The following XRN1 variants were observed in gnomAD, a reference collection of about 807,000 sequenced individuals.
XRN1 encodes the protein strand-exchange protein 1 homolog.
A neutral mutation model predicts 222.3 loss-of-function variants in XRN1; 67 were observed. That is an observed-to-expected ratio of 0.30 (90% CI 0.25 to 0.37). The LOEUF (loss-of-function observed/expected upper bound fraction) is 0.37. Among genes scored for constraint, XRN1 ranks in the 10% least tolerant of loss-of-function variants. The pLI, the probability that XRN1 is intolerant of heterozygous loss-of-function variation, is 1.00. For synonymous variants in XRN1, 643 were observed against 652.4 expected, an observed-to-expected ratio of 0.99 and a Z score of 0.22; for missense variants, 1,707 against 2,000.2, an observed-to-expected ratio of 0.85 and a Z score of 2.80.
At chr3:142,402,861 T>C (rs991791977) in intron 18 of XRN1, among the ~76,000 whole-genome samples, 1 of 152,178 alleles carries the variant, frequency 6.6e-6, no homozygotes, top group African/African-American at 2.4e-5. Flanking sequence ...GTTTCTCTTT[T>C]CACCCCCTGT....
intron 3 of XRN1, among the ~76,000 whole-genome samples, chr3:142,426,392 A>G (rs1046367871): frequency 6.6e-6 from 1 of 152,198 alleles, no homozygotes; most frequent in Non-Finnish European, 1.5e-5. Flanking sequence ...TAGCTACATC[A>G]ACTTGATAAG....
intron 15 of XRN1, among the ~76,000 whole-genome samples, chr3:142,408,013 T>C (rs2068413081): frequency 6.6e-6 from 1 of 152,262 alleles, no homozygotes; most frequent in South Asian, 2.1e-4. Flanking sequence ...GTCAACAGCT[T>C]ACCCTTCTGT....
At position 142,311,719 on chromosome 3, in the gene XRN1, G is replaced by T. The variant is rs780488740; in HGVS notation, c.4877C>A (p.Ser1626Tyr). 1.2e-6 allele frequency: 2 copies of T among 1,614,170 alleles called. No individual in the cohort carries two copies. Among genetic ancestry groups the T allele is most frequent in the Non-Finnish European group, 8.5e-7 (1 of 1,180,016 alleles). ...TGGACTTACTTTGACAATGTTGGAA[G>T]AATCTGGCTGGCTAGTCTGAACTGG... is the stretch of plus-strand genomic sequence containing the variant. ...ATPVQTSQPDSSNIVKVSPRE... is the reference protein window; with the variant it reads ...ATPVQTSQPDYSNIVKVSPRE... The change falls in exon 41 of 41, where the codon TCT becomes TAT. Residue 1626 changes from serine to tyrosine, a missense_variant. Physicochemically the swap from Ser to Tyr is moderately radical, Grantham distance 144. This residue lies in a region of XRN1 where 473 missense variants were observed against 482.0 expected (regional missense o/e 0.98). Transcript: ENST00000392981.
chr3:142,307,513 A>C lies in XRN1; in HGVS notation c.*3998T>G, dbSNP rs1307527114. On this transcript the variant is annotated 3_prime_UTR_variant, in exon 41 of 41. Coordinates refer to ENST00000392981, the MANE Select transcript of XRN1 (RefSeq NM_001282857.2). ...TTATTTGTTCACTGACACACACACA[A>C]AAGCAGCTACAGATAGTTGACATTT... The C allele has an allele frequency of 1.3e-5, 2 of 152,158 alleles. No homozygotes were observed. The highest frequency in any genetic ancestry group is 2.9e-5 in the Non-Finnish European group (2 of 68,022). 9.4% of individuals were successfully genotyped at this position (152,158 alleles called of 1,614,324 possible).
At position 142,310,751 on chromosome 3, in the gene XRN1, T is replaced by C. The variant is rs920303011; in HGVS notation, c.*760A>G. ...ATTAATTTGTAATCATTGTACCCTG[T>C]AGATTTTGAAACAATTTTACTAGAA... On this transcript the variant is annotated 3_prime_UTR_variant, in exon 41 of 41. Coordinates refer to ENST00000392981, the MANE Select transcript of XRN1 (RefSeq NM_001282857.2). The C allele has an allele frequency of 2.6e-5, 4 of 152,656 alleles. No homozygotes were observed. Among genetic ancestry groups the C allele is most frequent in the Non-Finnish European group, 5.9e-5 (4 of 68,018 alleles). 9.5% of individuals were successfully genotyped at this position (152,656 alleles called of 1,614,324 possible).
chr3:142,361,551 C>T (rs535960750), intron 29 of XRN1, among the ~76,000 whole-genome samples: 6 of 152,308 alleles, frequency 3.9e-5, no homozygotes, highest in Admixed American at 1.3e-4. Context: ...TTTTACATTA[C>T]GACTGGCAAT....
At chr3:142,410,223 GT>G (rs1355783805) in intron 15 of XRN1, among the ~76,000 whole-genome samples, 14 of 152,120 alleles carry the variant, frequency 9.2e-5, no homozygotes, top group African/African-American at 3.4e-4. Flanking sequence ...TATTAAGTAT[GT>G]TGTTTGCAGT....
intron 22 of XRN1, among the ~76,000 whole-genome samples, chr3:142,382,469 C>T (rs2067337894): frequency 6.6e-6 from 1 of 152,164 alleles, no homozygotes; most frequent in African/African-American, 2.4e-5. Context: ...TATTTTGTCA[C>T]TCAAAGTATC....
At chr3:142,360,021 T>C in intron 29 of XRN1, 90 bp from the exon 30 acceptor site, 1 of 782,888 alleles carries the variant, frequency 1.3e-6, no homozygotes, top group Non-Finnish European at 1.9e-6. Context: ...GAAGTATTTA[T>C]TATAAAATTC....
chr3:142,335,531 T>C (rs1002642816), intron 33 of XRN1, 22 bp from the exon 34 acceptor site: 1 of 1,602,024 alleles, frequency 6.2e-7, no homozygotes, highest in Admixed American at 1.7e-5. Flanking sequence ...AAAACAGAAA[T>C]TTTCATAAAT....
chr3:142,408,803 T>C (rs1257897713), intron 15 of XRN1, among the ~76,000 whole-genome samples: 1 of 152,240 alleles, frequency 6.6e-6, no homozygotes, highest in East Asian at 1.9e-4. Flanking sequence ...ATCCATCTTA[T>C]ACTCCCATTA....
chr3:142,428,381 A>T (rs1331885571), intron 2 of XRN1, among the ~76,000 whole-genome samples: 3 of 132,016 alleles, frequency 2.3e-5, no homozygotes, highest in African/African-American at 9.4e-5. Flanking sequence ...GGCGAGACAG[A>T]GCAAGACTCT....
rs1197805998 is a variant in XRN1, at chr3:142,335,497, C to T, written c.3890G>A (p.Cys1297Tyr). The change falls in exon 34 of 41, where the codon TGT becomes TAT. Residue 1297 changes from cysteine (C) to tyrosine (Y), a missense_variant. By Grantham distance (194) the Cys-to-Tyr change is radical. Transcript: ENST00000392981. ...HDPHRKFKEE[C>Y]KSPKAECWSQ... ...CCAACACTCAGCTTTAGGACTCTTA[C>T]ACTCTTCTTTAACTAGAGACAAGAA... 27 of 1,613,634 alleles carry T rather than the reference C, an allele frequency of 1.7e-5. No individual in the cohort carries two copies. The highest frequency in any genetic ancestry group is 1.6e-4 in the Middle Eastern group (1 of 6,076).
At chr3:142,370,463 C>G (rs765382663) in intron 27 of XRN1, 22 bp downstream of exon 27, 8 of 1,584,964 alleles carry the variant, frequency 5.0e-6, no homozygotes, top group Non-Finnish European at 6.8e-6. Context: ...CATCAATAAT[C>G]TTGGTTACTG....
At chr3:142,325,951 T>C (rs545076798) in intron 37 of XRN1, among the ~76,000 whole-genome samples, 1 of 152,256 alleles carries the variant, frequency 6.6e-6, no homozygotes, top group East Asian at 1.9e-4. Context: ...GTTCTTGTCA[T>C]CTTTATAAAA....
rs115872907 is a variant in XRN1 at position 142,345,427 on chromosome 3, C to T, written c.3877+1807G>A. Among the ~76,000 whole-genome samples, 1,358 of 152,268 alleles carry T rather than the reference C, an allele frequency of 8.9e-3. 14 individuals carry two copies. Among genetic ancestry groups the T allele is most frequent in the Middle Eastern group, 0.02 (6 of 294 alleles). On this transcript the variant is annotated intron_variant, in intron 33 of 40. Coordinates refer to ENST00000392981, the MANE Select transcript of XRN1 (RefSeq NM_001282857.2). ...ATGGAAAGAGACCTAAATCTAAAAG[C>T]TAAAACTATACAATTCTTAGAAGAA...
chr3:142,364,815 AGCC>A lies in XRN1; in HGVS notation c.3394+229_3394+231del, dbSNP rs575921392. 4.2e-3 allele frequency among the ~76,000 whole-genome samples: 644 copies of A among 152,304 alleles called. 12 individuals carry two copies. The highest frequency in any genetic ancestry group is 0.015 in the African/African-American group (624 of 41,568). On this transcript the variant is annotated intron_variant, in intron 29 of 40. Transcript: ENST00000392981. ...GATATAAAACTACTAAATTCTCAGCAGCCCCTTCTCAGTTTCTCCTTTTAATCT... is the reference window on the plus strand; with the variant it reads ...GATATAAAACTACTAAATTCTCAGCACCTTCTCAGTTTCTCCTTTTAATCT...
chr3:142,320,836 A>T (rs2065333177), intron 37 of XRN1, among the ~76,000 whole-genome samples: 1 of 152,150 alleles, frequency 6.6e-6, no homozygotes, highest in Non-Finnish European at 1.5e-5. Context: ...TAAAATTTCC[A>T]TGAAGTACAA....
chr3:142,379,465 G>A (rs1469896814), intron 23 of XRN1, among the ~76,000 whole-genome samples: 8 of 152,156 alleles, frequency 5.3e-5, no homozygotes, highest in African/African-American at 1.9e-4. Context: ...CAGAAAGAAC[G>A]AGGCATGAGA....
Sources: allele counts gnomAD v4.1 joint callset (sites outside exome capture counted in the v4.1 genomes callset), GRCh38; gene constraint gnomAD v4.1.1; regional missense constraint gnomAD v4.1.1; transcripts MANE v1.5; gene names NCBI Gene and HGNC (gene_info 2026-07-23, HGNC 2026-07-21).